Variants in TRAF3 observed in about 807,000 individuals in gnomAD.
TRAF3 encodes TNF receptor associated factor 3.
TRAF3 carries 13 observed loss-of-function variants against 62.3 expected under a neutral mutation model. The observed-to-expected ratio is 0.21, with a 90% confidence interval of 0.14 to 0.33. TRAF3 has a LOEUF of 0.33. TRAF3 is among the 10% of genes least tolerant of loss of function. TRAF3 has a pLI of 1.00. For synonymous variants in TRAF3, 269 were observed against 283.4 expected, an observed-to-expected ratio of 0.95 and a Z score of 0.51; for missense variants, 440 against 741.8, an observed-to-expected ratio of 0.59 and a Z score of 4.73.
intron 6 of TRAF3, among the ~76,000 whole-genome samples, chr14:102,883,969 GA>G (rs998543060): frequency 1.3e-5 from 2 of 151,970 alleles, no homozygotes; most frequent in African/African-American, 2.4e-5. Flanking sequence ...ATAGACAAAT[GA>G]AAAAAAATCA....
rs535781822 is a variant in TRAF3, at chr14:102,864,039, T to C, written c.-17-6146T>C. On this transcript the variant is annotated intron_variant, in intron 2 of 11. Coordinates refer to ENST00000392745, the MANE Select transcript of TRAF3 (RefSeq NM_145725.3). ...ATGCCATGGAACTCGCGGTTCTTGC[T>C]GAGATTCACCTGGTTTTTCTTGATT... 2.0e-5 allele frequency among the ~76,000 whole-genome samples: 3 copies of C among 152,318 alleles called. No individual in the cohort carries two copies. In the East Asian group the frequency reaches 5.8e-4, roughly 29 times the overall value.
At chr14:102,897,500 C>G in intron 10 of TRAF3, 99 bp downstream of exon 10, 2 of 1,474,400 alleles carry the variant, frequency 1.4e-6, no homozygotes, top group South Asian at 2.4e-5. Context: ...GAGTCCTTGA[C>G]CTTTGCAAGC....
chr14:102,853,441 G>A (rs971973115), intron 2 of TRAF3, among the ~76,000 whole-genome samples: 21 of 151,714 alleles, frequency 1.4e-4, no homozygotes, highest in African/African-American at 4.1e-4. Flanking sequence ...TTTACCCCAC[G>A]AAAAAAATTG....
chr14:102,825,598 C>T (rs1199767723), intron 1 of TRAF3, among the ~76,000 whole-genome samples: 2 of 152,254 alleles, frequency 1.3e-5, no homozygotes. Context: ...GGAGAGCCCA[C>T]TCAGGCTACG....
chr14:102,871,113 C>T lies in TRAF3; in HGVS notation c.245+667C>T, dbSNP rs552961768. ...GGGATGCCCTGGTCTTGGCCACTGC[C>T]GTCAGGGCATGTCGGCCTGGGAAGG... On this transcript the variant is annotated intron_variant, in intron 3 of 11. Transcript: ENST00000392745. 3.2e-3 allele frequency among the ~76,000 whole-genome samples: 483 copies of T among 152,332 alleles called. 5 individuals carry two copies. The highest frequency in any genetic ancestry group is 3.0e-3 in the Non-Finnish European group (206 of 68,024).
At position 102,895,766 on chromosome 14, in the gene TRAF3, T is replaced by G. The variant is rs12587696; in HGVS notation, c.820-1495T>G. On this transcript the variant is annotated intron_variant, in intron 9 of 11. Coordinates refer to ENST00000392745, the MANE Select transcript of TRAF3 (RefSeq NM_145725.3). ...GTGTTAATTTGTCTTTGGGAGCTAA[T>G]TATCTTTCAGAAAGATTTTGGAAAG... Among the ~76,000 whole-genome samples the G allele has an allele frequency of 9.9e-4, 151 of 152,342 alleles. 3 individuals are homozygous for G. In the East Asian group the frequency reaches 0.027, roughly 27 times the overall value.
chr14:102,777,997 G>C (rs1253205023), intron 1 of TRAF3, among the ~76,000 whole-genome samples: 2 of 150,546 alleles, frequency 1.3e-5, no homozygotes, highest in Admixed American at 1.3e-4. Flanking sequence ...CCTCGCTACG[G>C]CCGTGACCCC....
rs1015971707 is a variant in TRAF3 at position 102,910,371 on chromosome 14, A to G, written c.*4587A>G. The G allele has an allele frequency of 6.6e-6, 1 of 152,268 alleles. No individual in the cohort carries two copies. The highest frequency in any genetic ancestry group is 1.5e-5 in the Non-Finnish European group (1 of 68,066). 9.4% of individuals were successfully genotyped at this position (152,268 alleles called of 1,614,324 possible). A position where few individuals can be genotyped will look rare whatever the true frequency, so the allele number is the denominator to read the frequency against. On this transcript the variant is annotated 3_prime_UTR_variant, in exon 12 of 12. Coordinates refer to ENST00000392745, the MANE Select transcript of TRAF3 (RefSeq NM_145725.3). ...AGGTGAATGAGGGTCTGTCACCCAAATCTACTTCTCAGCCCATGACCATAG... is the reference window on the plus strand; with the variant it reads ...AGGTGAATGAGGGTCTGTCACCCAAGTCTACTTCTCAGCCCATGACCATAG...
intron 1 of TRAF3, among the ~76,000 whole-genome samples, chr14:102,806,872 G>T (rs1404034102): frequency 6.6e-6 from 1 of 152,162 alleles, no homozygotes; most frequent in East Asian, 1.9e-4. Flanking sequence ...CATGACTGGG[G>T]CCACTGGGTG....
intron 3 of TRAF3, among the ~76,000 whole-genome samples, chr14:102,871,312 G>T (rs1888330782): frequency 6.6e-6 from 1 of 152,222 alleles, no homozygotes; most frequent in Non-Finnish European, 1.5e-5. Context: ...GCCCACTTGG[G>T]GGCAAAATGA....
At position 102,850,466 on chromosome 14, in the gene TRAF3, A is replaced by G. The variant is rs564443748; in HGVS notation, c.-17-19719A>G. Among the ~76,000 whole-genome samples, 4 of 151,948 alleles carry G rather than the reference A, an allele frequency of 2.6e-5. No individual in the cohort carries two copies. In the South Asian group the frequency reaches 6.2e-4, roughly 24 times the overall value. On this transcript the variant is annotated intron_variant, in intron 2 of 11. Coordinates refer to ENST00000392745, the MANE Select transcript of TRAF3 (RefSeq NM_145725.3). Reference sequence around the variant, plus strand: ...AATCCCAGCACTTTGGGAGGCCGAGATGGGTGAATCACTTGAGGTCAGGAG... The same window carrying G: ...AATCCCAGCACTTTGGGAGGCCGAGGTGGGTGAATCACTTGAGGTCAGGAG...
intron 2 of TRAF3, among the ~76,000 whole-genome samples, chr14:102,859,884 G>A (rs910293976): frequency 6.6e-6 from 1 of 152,168 alleles, no homozygotes. Flanking sequence ...AGTTTCTATG[G>A]CCTAATAAGC....
At chr14:102,846,024 T>C (rs1401905198) in intron 2 of TRAF3, among the ~76,000 whole-genome samples, 1 of 148,824 alleles carries the variant, frequency 6.7e-6, no homozygotes, top group Non-Finnish European at 1.5e-5. Flanking sequence ...ATTATACCGC[T>C]GTTCAGTTAG....
chr14:102,808,287 C>T (rs1178890127), intron 1 of TRAF3, among the ~76,000 whole-genome samples: 3 of 152,058 alleles, frequency 2.0e-5, no homozygotes, highest in Non-Finnish European at 4.4e-5. Flanking sequence ...CTGAGACAGG[C>T]GAATCACCTG....
intron 4 of TRAF3, 93 bp from the exon 5 acceptor site, chr14:102,875,528 GTTT>G (rs5811085): frequency 4.8e-6 from 4 of 839,736 alleles, no homozygotes; most frequent in African/African-American, 3.7e-5. Flanking sequence ...TTCCTCTCTT[GTTT>G]TTTTTTTTTA....
At chr14:102,833,578 T>A (rs1885783516) in intron 2 of TRAF3, among the ~76,000 whole-genome samples, 1 of 152,210 alleles carries the variant, frequency 6.6e-6, no homozygotes. Flanking sequence ...ATGAGGTAGT[T>A]TGGAAACACT....
chr14:102,802,614 G>A (rs1245155590), intron 1 of TRAF3, among the ~76,000 whole-genome samples: 3 of 151,526 alleles, frequency 2.0e-5, no homozygotes, highest in Admixed American at 2.0e-4. Flanking sequence ...GGATCATGAG[G>A]TCAGGAGTTC....
In TRAF3 at chr14:102,910,934, C is replaced by T. The variant is rs1890836255; in HGVS notation, c.*5150C>T. The T allele has an allele frequency of 6.6e-6, 1 of 152,222 alleles. No homozygotes were observed. Among genetic ancestry groups the T allele is most frequent in the Non-Finnish European group, 1.5e-5 (1 of 68,058 alleles). 9.4% of individuals were successfully genotyped at this position (152,222 alleles called of 1,614,324 possible). On this transcript the variant is annotated 3_prime_UTR_variant, in exon 12 of 12. Transcript: ENST00000392745. The stretch of plus-strand genomic sequence containing the variant: ...AAAACACACAAGCTGGCATGATGTC[C>T]GGTGATTTCTGTAAGAAATGCCTGT...
intron 2 of TRAF3, among the ~76,000 whole-genome samples, chr14:102,865,577 G>A (rs1282444694): frequency 6.8e-6 from 1 of 147,616 alleles, no homozygotes; most frequent in African/African-American, 2.5e-5. Context: ...TCGGGTCACT[G>A]AAACCTCTGC....
Sources: allele counts gnomAD v4.1 joint callset (sites outside exome capture counted in the v4.1 genomes callset), GRCh38; gene constraint gnomAD v4.1.1; transcripts MANE v1.5; gene names NCBI Gene and HGNC (gene_info 2026-07-23, HGNC 2026-07-21).